Variants in BBS9 observed in about 807,000 individuals in gnomAD.
BBS9 encodes the protein Bardet-Biedl syndrome 9.
Under a neutral mutation model 117.7 loss-of-function variants are expected in BBS9, and 89 were observed. That is an observed-to-expected ratio of 0.76 (90% CI 0.64 to 0.90). The LOEUF is 0.90. BBS9 is among the 40% of genes least tolerant of loss of function. BBS9 has a pLI of 0.00. For synonymous variants in BBS9, 379 were observed against 370.9 expected, an observed-to-expected ratio of 1.02 and a Z score of -0.25; for missense variants, 982 against 1,042.2, an observed-to-expected ratio of 0.94 and a Z score of 0.80.
At chr7:33,447,244 T>C (rs868708488) in intron 19 of BBS9, among the ~76,000 whole-genome samples, 3 of 152,214 alleles carry the variant, frequency 2.0e-5, no homozygotes, top group Admixed American at 1.3e-4. Flanking sequence ...TGGCCCCAGA[T>C]TGATATCACA....
intron 18 of BBS9, among the ~76,000 whole-genome samples, chr7:33,387,541 T>C (rs1010117447): frequency 2.0e-5 from 3 of 152,206 alleles, no homozygotes; most frequent in African/African-American, 7.2e-5. Context: ...GGGGTGTGTT[T>C]GTGTGTTTGT....
intron 4 of BBS9, among the ~76,000 whole-genome samples, chr7:33,170,702 C>G (rs1299722651): frequency 2.7e-5 from 4 of 148,624 alleles, no homozygotes; most frequent in Admixed American, 2.7e-4. Flanking sequence ...ATCTAGAAAA[C>G]CCCATTGTCT....
intron 20 of BBS9, among the ~76,000 whole-genome samples, chr7:33,517,588 C>T (rs1847985066): frequency 6.6e-6 from 1 of 152,212 alleles, no homozygotes; most frequent in Non-Finnish European, 1.5e-5. Context: ...GCTTTTTCTC[C>T]ACTTTTCATC....
intron 17 of BBS9, among the ~76,000 whole-genome samples, chr7:33,372,086 T>C (rs192946582): frequency 1.9e-4 from 29 of 152,172 alleles, no homozygotes; most frequent in African/African-American, 5.5e-4. Flanking sequence ...GTAGGAGTTA[T>C]AGAGCAAGTG....
At chr7:33,596,886 G>A (rs938405968) in intron 21 of BBS9, among the ~76,000 whole-genome samples, 14 of 151,738 alleles carry the variant, frequency 9.2e-5, no homozygotes, top group Non-Finnish European at 2.9e-5. Context: ...TAAATACTCA[G>A]CCAGTATTGC....
chr7:33,477,348 A>G lies in BBS9; in HGVS notation c.2116-28115A>G, dbSNP rs188637399. 9.1e-4 allele frequency among the ~76,000 whole-genome samples: 138 copies of G among 152,302 alleles called. 1 individual carries two copies. The highest frequency in any genetic ancestry group is 3.1e-3 in the African/African-American group (130 of 41,566). ...CCCTAAAAATGAGTTTTCTATAGGA[A>G]ATAAGGGTGAAAATGTACGTCAAAG... On this transcript the variant is annotated intron_variant, in intron 19 of 22. Coordinates refer to ENST00000242067, the MANE Select transcript of BBS9 (RefSeq NM_198428.3).
intron 5 of BBS9, among the ~76,000 whole-genome samples, chr7:33,239,904 G>A (rs1794189228): frequency 6.6e-6 from 1 of 152,232 alleles, no homozygotes; most frequent in East Asian, 1.9e-4. Flanking sequence ...AGCTGCTTCA[G>A]AGGCTGAGGT....
intron 19 of BBS9, among the ~76,000 whole-genome samples, chr7:33,491,798 G>A (rs1185175661): frequency 1.1e-4 from 16 of 152,176 alleles, no homozygotes; most frequent in Admixed American, 1.0e-3. Flanking sequence ...CCCATGAAGA[G>A]GTACTGAAAT....
At chr7:33,210,629 C>G (rs953405195) in intron 5 of BBS9, among the ~76,000 whole-genome samples, 1 of 152,128 alleles carries the variant, frequency 6.6e-6, no homozygotes, top group African/African-American at 2.4e-5. Context: ...CCTCGCCTCC[C>G]GGGTTCAAGC....
At chr7:33,351,994 T>G (rs1263546467) in intron 14 of BBS9, 1 of 154,054 alleles carries the variant, frequency 6.5e-6, no homozygotes, top group Non-Finnish European at 1.4e-5. Context: ...GGTTCTGGGT[T>G]TCATCCAGGA....
chr7:33,599,560 A>C (rs76215823), intron 21 of BBS9, among the ~76,000 whole-genome samples: 281 of 152,284 alleles, frequency 1.8e-3, no homozygotes, highest in African/African-American at 5.9e-3. Context: ...ACATAATTTG[A>C]TTGTCAGCAA....
intron 5 of BBS9, among the ~76,000 whole-genome samples, chr7:33,236,602 A>G (rs539023156): frequency 1.2e-4 from 18 of 151,980 alleles, no homozygotes; most frequent in Non-Finnish European, 1.9e-4. Context: ...TATTTATACA[A>G]CACATTATAA....
At chr7:33,442,135 G>A (rs1055254676) in intron 19 of BBS9, among the ~76,000 whole-genome samples, 1 of 152,014 alleles carries the variant, frequency 6.6e-6, no homozygotes, top group Non-Finnish European at 1.5e-5. Context: ...TAGGTGATCC[G>A]CTCACGTTGG....
intron 9 of BBS9, among the ~76,000 whole-genome samples, 170 bp downstream of exon 9, chr7:33,274,126 G>T (rs1445902649): frequency 6.6e-6 from 1 of 152,076 alleles, no homozygotes; most frequent in Non-Finnish European, 1.5e-5. Flanking sequence ...GGAAAGGAAG[G>T]ATAATTAGTG....
chr7:33,572,353 T>G (rs1857945231), intron 21 of BBS9, among the ~76,000 whole-genome samples: 1 of 152,162 alleles, frequency 6.6e-6, no homozygotes, highest in African/African-American at 2.4e-5. Context: ...TGATGGACAC[T>G]TAAGTTGATT....
intron 19 of BBS9, among the ~76,000 whole-genome samples, chr7:33,420,707 T>A (rs1376917889): frequency 6.6e-6 from 1 of 152,154 alleles, no homozygotes; most frequent in Non-Finnish European, 1.5e-5. Context: ...GAACCCTCTT[T>A]GAGAGATTTA....
intron 9 of BBS9, among the ~76,000 whole-genome samples, chr7:33,326,200 A>T (rs1356994993): frequency 6.6e-6 from 1 of 152,018 alleles, no homozygotes; most frequent in Non-Finnish European, 1.5e-5. Flanking sequence ...CTCAAGCCAC[A>T]AGACAATGTC....
chr7:33,484,532 G>T (rs1025272511), intron 19 of BBS9, among the ~76,000 whole-genome samples: 1 of 152,056 alleles, frequency 6.6e-6, no homozygotes, highest in Admixed American at 6.6e-5. Flanking sequence ...CCAACAAACA[G>T]GAAAAAAGCT....
At chr7:33,242,558 T>G (rs1158565488) in intron 5 of BBS9, among the ~76,000 whole-genome samples, 3 of 152,136 alleles carry the variant, frequency 2.0e-5, no homozygotes, top group Non-Finnish European at 4.4e-5. Flanking sequence ...TGCAGCATAT[T>G]GATGTACTTA....
Sources: allele counts gnomAD v4.1 joint callset (sites outside exome capture counted in the v4.1 genomes callset), GRCh38; gene constraint gnomAD v4.1.1; transcripts MANE v1.5; gene names NCBI Gene and HGNC (gene_info 2026-07-23, HGNC 2026-07-21).